Variants in STMN2 observed in about 807,000 individuals in gnomAD.
STMN2 encodes stathmin-2.
Under a neutral mutation model 24.1 loss-of-function variants are expected in STMN2, and 2 were observed. That is an observed-to-expected ratio of 0.08 (90% confidence interval 0.03 to 0.26). The LOEUF is 0.26. Among genes scored for constraint, STMN2 ranks in the 10% least tolerant of loss-of-function variants. STMN2 has a pLI of 1.00. For missense variants in STMN2, 114 were observed against 213.6 expected (o/e 0.53, Z 2.91); for synonymous variants, 83 against 77.5 (o/e 1.07, Z -0.37).
In STMN2 at chr8:79,649,926, T is replaced by C. The variant is rs557994666; in HGVS notation, c.289-4945T>C. ...AATGTACAATAAGTCTCCTTTCCTG[T>C]CTCATTGTTTTTCGCTTCACGTACC... On this transcript the variant is annotated intron_variant, in intron 3 of 4. Transcript: ENST00000220876. Among the ~76,000 whole-genome samples the C allele has an allele frequency of 1.8e-3, 270 of 152,316 alleles. 1 individual carries two copies. Among genetic ancestry groups the C allele is most frequent in the African/African-American group, 6.1e-3 (253 of 41,564 alleles).
At chr8:79,652,093 G>A (rs1810345392) in intron 3 of STMN2, among the ~76,000 whole-genome samples, 1 of 152,204 alleles carries the variant, frequency 6.6e-6, no homozygotes, top group Non-Finnish European at 1.5e-5. Context: ...ACCTAACAGT[G>A]TATTAAGATA....
chr8:79,659,717 A>C (rs1806461375), intron 4 of STMN2, among the ~76,000 whole-genome samples: 1 of 152,196 alleles, frequency 6.6e-6, no homozygotes, highest in South Asian at 2.1e-4. Flanking sequence ...CTTTCGATGT[A>C]GTTGGGCCCA....
intron 4 of STMN2, among the ~76,000 whole-genome samples, chr8:79,664,325 T>C (rs1806558278): frequency 6.6e-6 from 1 of 152,222 alleles, no homozygotes; most frequent in South Asian, 2.1e-4. Flanking sequence ...ATGGGGGTTA[T>C]GACTGGAAAC....
At chr8:79,652,372 C>T (rs1422583031) in intron 3 of STMN2, among the ~76,000 whole-genome samples, 1 of 152,104 alleles carries the variant, frequency 6.6e-6, no homozygotes, top group African/African-American at 2.4e-5. Flanking sequence ...AAGCTGTCTC[C>T]TCTTATTTCT....
intron 1 of STMN2, among the ~76,000 whole-genome samples, chr8:79,619,891 AT>A (rs895552300): frequency 6.6e-6 from 1 of 151,820 alleles, no homozygotes; most frequent in Admixed American, 6.6e-5. Flanking sequence ...ATTTCTGATG[AT>A]TTTTTTCTTA....
chr8:79,641,565 A>G lies in STMN2; in HGVS notation c.288+15A>G, dbSNP rs1810094618. The stretch of plus-strand genomic sequence containing the variant: ...AAAGAAGAAAGGTAACTTTTTCCAT[A>G]GGTTTTCCTTCTCTCTCTCCCTCCC... On this transcript the variant is annotated intron_variant, in intron 3 of 4. Transcript: ENST00000220876. 3 of 1,604,676 alleles carry G rather than the reference A, an allele frequency of 1.9e-6. No homozygotes were observed. The highest frequency in any genetic ancestry group is 1.1e-5 in the South Asian group (1 of 90,658).
At chr8:79,650,462 C>T (rs78717655) in intron 3 of STMN2, among the ~76,000 whole-genome samples, 1,641 of 152,296 alleles carry the variant, frequency 0.011, 34 homozygotes, top group African/African-American at 0.038. Flanking sequence ...GCCTCACTCA[C>T]TTCATGTCAT....
intron 1 of STMN2, among the ~76,000 whole-genome samples, chr8:79,619,208 C>T (rs1195865812): frequency 6.6e-6 from 1 of 152,052 alleles, no homozygotes; most frequent in African/African-American, 2.4e-5. Flanking sequence ...AACAATAGAT[C>T]ATCAGGATAA....
intron 3 of STMN2, among the ~76,000 whole-genome samples, chr8:79,654,517 C>T (rs1377147568): frequency 6.6e-6 from 1 of 152,160 alleles, no homozygotes; most frequent in East Asian, 1.9e-4. Flanking sequence ...TTTCCTCAGG[C>T]TTTGGTTGAA....
intron 1 of STMN2, among the ~76,000 whole-genome samples, chr8:79,621,637 T>G (rs1809518241): frequency 6.6e-6 from 1 of 152,166 alleles, no homozygotes; most frequent in Admixed American, 6.5e-5. Context: ...ACATCCAACT[T>G]TTCCCCAACT....
chr8:79,626,976 G>T (rs941494253), intron 1 of STMN2, among the ~76,000 whole-genome samples: 2 of 152,130 alleles, frequency 1.3e-5, no homozygotes, highest in Admixed American at 1.3e-4. Context: ...CATTAAGTTT[G>T]CTTCACTTCT....
intron 1 of STMN2, among the ~76,000 whole-genome samples, chr8:79,613,130 T>G (rs1809283505): frequency 6.6e-6 from 1 of 151,808 alleles, no homozygotes; most frequent in Non-Finnish European, 1.5e-5. Context: ...TCCGCGGAGC[T>G]CGGGGCTTTT....
At chr8:79,629,524 GA>G (rs1042501565) in intron 1 of STMN2, among the ~76,000 whole-genome samples, 1 of 152,150 alleles carries the variant, frequency 6.6e-6, no homozygotes, top group South Asian at 2.1e-4. Flanking sequence ...AGTGGGGTTT[GA>G]AAAATGCAAC....
chr8:79,648,333 C>T (rs1810259738), intron 3 of STMN2, among the ~76,000 whole-genome samples: 1 of 151,852 alleles, frequency 6.6e-6, no homozygotes, highest in Non-Finnish European at 1.5e-5. Context: ...TTAGCAATTA[C>T]TATGTGAAGA....
At chr8:79,628,461 G>GT (rs1809715322) in intron 1 of STMN2, among the ~76,000 whole-genome samples, 1 of 152,072 alleles carries the variant, frequency 6.6e-6, no homozygotes, top group African/African-American at 2.4e-5. Context: ...TAGTAGTTCT[G>GT]TTTTTAATTT....
At position 79,611,189 on chromosome 8, in the gene STMN2, C is replaced by A; in HGVS notation, c.-7C>A. ...TCGCCACTGCTCAGCGTCTGCACATCCCTACAATGGCTAAAACAGCAATGG... is the reference window on the plus strand; with the variant it reads ...TCGCCACTGCTCAGCGTCTGCACATACCTACAATGGCTAAAACAGCAATGG... On this transcript the variant is annotated 5_prime_UTR_variant, in exon 1 of 5. Transcript: ENST00000220876. 6.2e-7 allele frequency: 1 copy of A among 1,614,120 alleles called. No individual in the cohort carries two copies. The highest frequency in any genetic ancestry group is 1.1e-5 in the South Asian group (1 of 91,080).
chr8:79,611,574 CTTT>C (rs3079991), intron 1 of STMN2, among the ~76,000 whole-genome samples: 1 of 148,192 alleles, frequency 6.7e-6, no homozygotes, highest in African/African-American at 2.5e-5. Context: ...TTATAACGAC[CTTT>C]TTTTTTTTTA....
intron 2 of STMN2, among the ~76,000 whole-genome samples, chr8:79,638,599 T>C (rs780018690): frequency 5.3e-5 from 8 of 152,218 alleles, no homozygotes; most frequent in South Asian, 2.1e-4. Context: ...AAATTATTAT[T>C]ATTGTTTACA....
intron 1 of STMN2, among the ~76,000 whole-genome samples, chr8:79,616,051 C>A (rs1809375077): frequency 6.6e-6 from 1 of 152,190 alleles, no homozygotes; most frequent in Non-Finnish European, 1.5e-5. Flanking sequence ...GCCCCCTGTT[C>A]AGAGCACATC....
Sources: allele counts gnomAD v4.1 joint callset (sites outside exome capture counted in the v4.1 genomes callset), GRCh38; gene constraint gnomAD v4.1.1; transcripts MANE v1.5; gene names NCBI Gene and HGNC (gene_info 2026-07-23, HGNC 2026-07-21).